ANK3: variants seen among roughly 807,000 people sequenced by gnomAD.
The protein encoded by ANK3 is ankyrin-3.
Under a neutral mutation model 370.9 loss-of-function variants are expected in ANK3, and 57 were observed. The ratio of observed to expected loss-of-function variants is 0.15; its 90% CI spans 0.12 to 0.19. The LOEUF is 0.19. Among genes scored for constraint, ANK3 ranks in the 10% least tolerant of loss-of-function variants. The pLI is 1.00. For missense variants in ANK3, 4,439 were observed against 5,302.1 expected, an observed-to-expected ratio of 0.84 and a Z score of 5.06; for synonymous variants, 1,929 against 1,946.3, an observed-to-expected ratio of 0.99 and a Z score of 0.23.
chr10:60,123,727 T>C (rs1057293180), intron 25 of ANK3, among the ~76,000 whole-genome samples: 1 of 152,178 alleles, frequency 6.6e-6, no homozygotes, highest in African/African-American at 2.4e-5. Flanking sequence ...AATCTCCCAA[T>C]AACAGGTCAC....
At position 60,072,955 on chromosome 10, in the gene ANK3, G is replaced by C; in HGVS notation, c.7926C>G (p.Ser2642=). ...EKVLLTELLA[S]NDEWVKARQH... ...GTCTTGCCTTAACCCACTCATCATT[G>C]GATGCCAGCAGTTCTGTCAGTAGCA... The change falls in exon 37 of 44, where the codon TCC becomes TCG. Residue 2642 remains serine, a synonymous_variant. Transcript: ENST00000280772. 1 of 1,614,040 alleles carries C rather than the reference G, an allele frequency of 6.2e-7. No individual in the cohort carries two copies. Among genetic ancestry groups the C allele is most frequent in the Non-Finnish European group, 8.5e-7 (1 of 1,180,016 alleles).
Position 60,577,982 on chromosome 10 carries a change from G to T in ANK3, c.96+37204C>A, listed in dbSNP as rs529941707. On this transcript the variant is annotated intron_variant, in intron 2 of 43. Transcript: ENST00000373827. Reference sequence around the variant, plus strand: ...TCCTCAAATATCTACAATGATTTTTGCCATATCTAATGATCATTTGTAAAT... The same window carrying T: ...TCCTCAAATATCTACAATGATTTTTTCCATATCTAATGATCATTTGTAAAT... Among the ~76,000 whole-genome samples the T allele has an allele frequency of 5.9e-5, 9 of 152,240 alleles. No homozygotes were observed. The East Asian group carries it at 1.5e-3, about 26-fold the overall frequency.
chr10:60,625,554 C>G (rs1041593734), intron 1 of ANK3, among the ~76,000 whole-genome samples: 6 of 152,114 alleles, frequency 3.9e-5, no homozygotes, highest in African/African-American at 1.4e-4. Flanking sequence ...GTTTATTTCC[C>G]AAAGTACCTA....
At chr10:60,086,594 G>C in intron 30 of ANK3, 83 bp downstream of exon 30, 1 of 1,216,426 alleles carries the variant, frequency 8.2e-7, no homozygotes, top group South Asian at 1.6e-5. Context: ...ATATTTCAAA[G>C]GTTTTATATC....
At position 60,562,767 on chromosome 10, in the gene ANK3, A is replaced by G. The variant is rs552021526; in HGVS notation, c.96+52419T>C. ...ATAAATTACATCATCTAACAGACAG[A>G]AAAAAAATGCATTAAAAACTTAAAA... is the stretch of plus-strand genomic sequence containing the variant. On this transcript the variant is annotated intron_variant, in intron 2 of 43. Transcript: ENST00000373827. 2.1e-4 allele frequency among the ~76,000 whole-genome samples: 32 copies of G among 152,176 alleles called. No individual in the cohort carries two copies. In the South Asian group the frequency reaches 6.4e-3, roughly 31 times the overall value.
chr10:60,254,536 T>A (rs1438832533), intron 7 of ANK3, among the ~76,000 whole-genome samples: 2 of 152,194 alleles, frequency 1.3e-5, no homozygotes, highest in Admixed American at 6.5e-5. Context: ...AAAACACTCT[T>A]AATTTTGAAC....
At chr10:60,713,971 A>C (rs535779209) in intron 1 of ANK3, among the ~76,000 whole-genome samples, 1 of 152,218 alleles carries the variant, frequency 6.6e-6, no homozygotes, top group Admixed American at 6.5e-5. Context: ...TGCAAAGAGC[A>C]ATAGAATTAA....
At chr10:60,136,261 C>T (rs2094337349) in intron 24 of ANK3, among the ~76,000 whole-genome samples, 1 of 152,140 alleles carries the variant, frequency 6.6e-6, no homozygotes, top group Non-Finnish European at 1.5e-5. Context: ...AGCTATCCAA[C>T]AACAGCGGCT....
intron 1 of ANK3, among the ~76,000 whole-genome samples, chr10:60,622,164 G>A (rs1011827680): frequency 2.6e-5 from 4 of 152,064 alleles, no homozygotes; most frequent in Non-Finnish European, 4.4e-5. Context: ...CAATTTCACA[G>A]ACATGTTTGG....
intron 2 of ANK3, among the ~76,000 whole-genome samples, chr10:60,607,734 T>C (rs1195263970): frequency 6.6e-6 from 1 of 152,210 alleles, no homozygotes; most frequent in Non-Finnish European, 1.5e-5. Flanking sequence ...AATATGTCTT[T>C]GCTGGTTAGA....
At chr10:60,542,760 G>T (rs185153238) in intron 2 of ANK3, among the ~76,000 whole-genome samples, 2 of 152,004 alleles carry the variant, frequency 1.3e-5, no homozygotes, top group Admixed American at 1.3e-4. Flanking sequence ...CTTTCTAAAG[G>T]TTAAGATTCC....
At position 60,279,623 on chromosome 10, in the gene ANK3, C is replaced by T. The variant is rs190156451; in HGVS notation, c.131G>A (p.Ser44Asn). 6.2e-7 allele frequency: 1 copy of T among 1,609,880 alleles called. No individual in the cohort carries two copies. Among genetic ancestry groups the T allele is most frequent in the Non-Finnish European group, 8.5e-7 (1 of 1,178,952 alleles). The change falls in exon 2 of 44, where the codon AGT becomes AAT. Residue 44 changes from serine to asparagine, a missense_variant. Physicochemically the swap from Ser to Asn is conservative, Grantham distance 46 (BLOSUM62 1). Transcript: ENST00000280772. ...DRKKKSDANASYLRAARAGHL... is the reference protein window; with the variant it reads ...DRKKKSDANANYLRAARAGHL... Reference sequence around the variant, plus strand: ...TCCAGCTCGAGCTGCTCTTAAGTAACTTGCATTGGCATCAGACTAAAATAA... The same window carrying T: ...TCCAGCTCGAGCTGCTCTTAAGTAATTTGCATTGGCATCAGACTAAAATAA...
intron 2 of ANK3, among the ~76,000 whole-genome samples, chr10:60,519,234 T>C (rs905727723): frequency 4.6e-5 from 7 of 152,138 alleles, no homozygotes; most frequent in African/African-American, 1.7e-4. Context: ...AGAAAGTTGC[T>C]TTTGTGGCTT....
At chr10:60,293,886 C>T (rs2041978769) in intron 1 of ANK3, among the ~76,000 whole-genome samples, 1 of 152,176 alleles carries the variant, frequency 6.6e-6, no homozygotes, top group Non-Finnish European at 1.5e-5. Context: ...ATAGCAGTAA[C>T]TTCTGGCATT....
Position 60,725,352 on chromosome 10 carries a change from A to G in ANK3, c.57+7911T>C, listed in dbSNP as rs572225719. On this transcript the variant is annotated intron_variant, in intron 1 of 43. Transcript: ENST00000373827. ...CCACCACTAATAACAGAAGTAAACAACCTTGGACATGTCCTCTTGGGGACC... is the reference window on the plus strand; with the variant it reads ...CCACCACTAATAACAGAAGTAAACAGCCTTGGACATGTCCTCTTGGGGACC... Among the ~76,000 whole-genome samples, 17 of 152,230 alleles carry G rather than the reference A, an allele frequency of 1.1e-4. No individual in the cohort carries two copies. In the East Asian group the frequency reaches 3.3e-3, roughly 29 times the overall value.
intron 2 of ANK3, among the ~76,000 whole-genome samples, chr10:60,561,685 C>T (rs955767026): frequency 6.6e-6 from 1 of 152,166 alleles, no homozygotes; most frequent in Admixed American, 6.5e-5. Context: ...CCAACTGGGA[C>T]AGTCCATGAT....
At chr10:60,451,277 T>A (rs556853072) in intron 2 of ANK3, among the ~76,000 whole-genome samples, 1 of 152,320 alleles carries the variant, frequency 6.6e-6, no homozygotes, top group South Asian at 2.1e-4. Flanking sequence ...AGAACACATT[T>A]CTGTTGTTTA....
At chr10:60,540,876 G>A (rs574752765) in intron 2 of ANK3, among the ~76,000 whole-genome samples, 3 of 151,936 alleles carry the variant, frequency 2.0e-5, no homozygotes, top group South Asian at 2.1e-4. Flanking sequence ...TTTTAAATGT[G>A]CATATCAAAA....
intron 1 of ANK3, among the ~76,000 whole-genome samples, chr10:60,680,350 G>C (rs1216857753): frequency 6.6e-6 from 1 of 152,214 alleles, no homozygotes; most frequent in African/African-American, 2.4e-5. Context: ...AATGCAGTGA[G>C]GGCCAGCATG....
Sources: allele counts gnomAD v4.1 joint callset (sites outside exome capture counted in the v4.1 genomes callset), GRCh38; gene constraint gnomAD v4.1.1; transcripts MANE v1.5; gene names NCBI Gene and HGNC (gene_info 2026-07-23, HGNC 2026-07-21).